ITFG1: variants seen among roughly 807,000 people sequenced by gnomAD.
The protein encoded by ITFG1 is T-cell immunomodulatory protein.
Under a neutral mutation model 81.8 loss-of-function variants are expected in ITFG1, and 34 were observed. That is an observed-to-expected ratio of 0.42 (90% CI 0.32 to 0.55). The LOEUF is 0.55. Among genes scored for constraint, ITFG1 ranks in the 20% least tolerant of loss-of-function variants. The pLI is 0.17. For synonymous variants in ITFG1, 285 were observed against 270.6 expected, an observed-to-expected ratio of 1.05 and a Z score of -0.52; for missense variants, 672 against 755.4, an observed-to-expected ratio of 0.89 and a Z score of 1.29.
intron 6 of ITFG1, among the ~76,000 whole-genome samples, chr16:47,398,178 A>C (rs1968615361): frequency 6.6e-6 from 1 of 152,118 alleles, no homozygotes; most frequent in African/African-American, 2.4e-5. Flanking sequence ...ACCTCCTTCA[A>C]CTACTAACAA....
chr16:47,235,790 A>G (rs576325431), intron 13 of ITFG1, among the ~76,000 whole-genome samples: 1 of 152,352 alleles, frequency 6.6e-6, no homozygotes, highest in East Asian at 1.9e-4. Context: ...AAGGAATATG[A>G]AGAAGAACTA....
At chr16:47,205,616 A>C (rs115218643) in intron 14 of ITFG1, among the ~76,000 whole-genome samples, 3,088 of 152,204 alleles carry the variant, frequency 0.02, 107 homozygotes, top group African/African-American at 0.07. Flanking sequence ...CTTCTGAATA[A>C]ATTTTCTGTG....
chr16:47,181,873 A>G (rs374903407), intron 14 of ITFG1, among the ~76,000 whole-genome samples: 1 of 152,224 alleles, frequency 6.6e-6, no homozygotes, highest in Non-Finnish European at 1.5e-5. Flanking sequence ...CTGTTGATCT[A>G]TGACCTTACC....
intron 10 of ITFG1, among the ~76,000 whole-genome samples, chr16:47,289,735 C>T (rs979814670): frequency 1.5e-4 from 22 of 151,646 alleles, no homozygotes; most frequent in African/African-American, 4.6e-4. Context: ...GGCCTTTCCT[C>T]TTTTTTTTAT....
At chr16:47,200,798 G>A (rs370101527) in intron 14 of ITFG1, among the ~76,000 whole-genome samples, 1 of 152,116 alleles carries the variant, frequency 6.6e-6, no homozygotes, top group African/African-American at 2.4e-5. Flanking sequence ...CTTTGGTGGT[G>A]GGGCCTGGAA....
At chr16:47,362,088 C>T (rs1382668683) in intron 8 of ITFG1, among the ~76,000 whole-genome samples, 2 of 152,126 alleles carry the variant, frequency 1.3e-5, no homozygotes, top group Non-Finnish European at 2.9e-5. Flanking sequence ...TAGTATCACC[C>T]TTTTTTAGGT....
intron 12 of ITFG1, among the ~76,000 whole-genome samples, chr16:47,244,883 A>G (rs541274483): frequency 7.9e-5 from 12 of 152,174 alleles, no homozygotes; most frequent in African/African-American, 2.9e-4. Flanking sequence ...GCAGCCACCT[A>G]GAAACCAGGA....
At chr16:47,270,013 T>C (rs946780787) in intron 10 of ITFG1, among the ~76,000 whole-genome samples, 1 of 152,002 alleles carries the variant, frequency 6.6e-6, no homozygotes, top group Non-Finnish European at 1.5e-5. Context: ...TCAAAGGCAA[T>C]TGAGTGGAAA....
chr16:47,315,667 A>G (rs1190975088), intron 8 of ITFG1, among the ~76,000 whole-genome samples: 3 of 152,118 alleles, frequency 2.0e-5, no homozygotes, highest in East Asian at 1.9e-4. Context: ...GAAACAGCAT[A>G]ATCATGCACT....
intron 8 of ITFG1, among the ~76,000 whole-genome samples, chr16:47,337,122 G>A (rs1967715270): frequency 8.0e-6 from 1 of 124,614 alleles, no homozygotes; most frequent in African/African-American, 2.9e-5. Flanking sequence ...TGGGTGACAA[G>A]AGCGAACTCT....
chr16:47,238,714 G>T (rs769308055), intron 12 of ITFG1, among the ~76,000 whole-genome samples: 18 of 152,080 alleles, frequency 1.2e-4, no homozygotes, highest in Admixed American at 2.6e-4. Flanking sequence ...GATAAAGAAA[G>T]AGAGCTGATA....
At chr16:47,184,413 G>A (rs1009144381) in intron 14 of ITFG1, among the ~76,000 whole-genome samples, 1 of 152,196 alleles carries the variant, frequency 6.6e-6, no homozygotes, top group African/African-American at 2.4e-5. Context: ...AAGCCCATCA[G>A]ACTAACAGCA....
intron 14 of ITFG1, among the ~76,000 whole-genome samples, chr16:47,198,161 C>T (rs8045907): frequency 2.1e-4 from 32 of 152,202 alleles, no homozygotes; most frequent in Admixed American, 2.0e-4. Flanking sequence ...CTTTTCTATA[C>T]GTTTACTTGA....
In ITFG1 at chr16:47,372,414, T is replaced by C. The variant is rs572343309; in HGVS notation, c.720+3462A>G. Among the ~76,000 whole-genome samples the C allele has an allele frequency of 5.9e-5, 9 of 152,088 alleles. No homozygotes were observed. The South Asian group carries it at 1.2e-3, about 21-fold the overall frequency. Reference sequence around the variant, plus strand: ...CTCTATTCTAAAATAATTTTTTTCCTGCCCAAAATTAGTTACTTCTTTCGT... The same window carrying C: ...CTCTATTCTAAAATAATTTTTTTCCCGCCCAAAATTAGTTACTTCTTTCGT... On this transcript the variant is annotated intron_variant, in intron 7 of 17. Transcript: ENST00000320640.
intron 12 of ITFG1, among the ~76,000 whole-genome samples, chr16:47,240,130 A>G (rs1199526979): frequency 7.5e-6 from 1 of 134,140 alleles, no homozygotes; most frequent in Non-Finnish European, 1.6e-5. Flanking sequence ...TGTCTACCAG[A>G]AAAAAAAAAA....
intron 6 of ITFG1, among the ~76,000 whole-genome samples, chr16:47,411,826 G>C (rs887125526): frequency 6.6e-6 from 1 of 152,144 alleles, no homozygotes; most frequent in East Asian, 1.9e-4. Context: ...ATCACAGAGC[G>C]CTCTTGCAAA....
At position 47,451,438 on chromosome 16, in the gene ITFG1, C is replaced by G; in HGVS notation, c.518G>C (p.Gly173Ala). The G allele has an allele frequency of 2.5e-6, 4 of 1,585,672 alleles. No individual in the cohort carries two copies. Among genetic ancestry groups the G allele is most frequent in the Non-Finnish European group, 3.5e-6 (4 of 1,155,396 alleles). Residue 173 changes from glycine to alanine, a missense_variant, in exon 5 of 18, where the codon GGT (glycine) becomes GCT (alanine). By Grantham distance (60) the Gly-to-Ala change is moderately conservative. This residue lies in a region of ITFG1 where 560 missense variants were observed against 625.7 expected (regional missense o/e 0.90). Coordinates refer to ENST00000320640, the MANE Select transcript of ITFG1 (RefSeq NM_030790.5). ...TGGCTGGTTGGATTCATTTGTGATA[C>G]CAAAAATATCAGGAATTAGATCACC... is the stretch of plus-strand genomic sequence containing the variant. ...FNGDLIPDIFGITNESNQPQI... is the reference protein window; with the variant it reads ...FNGDLIPDIFAITNESNQPQI...
chr16:47,287,769 A>G (rs760750108), intron 10 of ITFG1, among the ~76,000 whole-genome samples: 3 of 152,144 alleles, frequency 2.0e-5, no homozygotes, highest in Non-Finnish European at 4.4e-5. Context: ...TTTGTTTTGA[A>G]TTTCACGAAT....
intron 10 of ITFG1, among the ~76,000 whole-genome samples, chr16:47,306,867 G>A (rs931818212): frequency 1.3e-5 from 2 of 151,902 alleles, no homozygotes; most frequent in South Asian, 2.1e-4. Context: ...GGCCTAGGCG[G>A]GTGGATCACA....
Sources: gnomAD v4.1 joint callset for allele counts (sites outside exome capture counted in the v4.1 genomes callset) on GRCh38, gnomAD v4.1.1 for gene constraint, gnomAD v4.1.1 regional missense constraint, MANE v1.5 for transcripts, NCBI Gene and HGNC (gene_info 2026-07-23, HGNC 2026-07-21) for gene names.